The following TEX11 variants were observed in gnomAD, a reference collection of about 807,000 sequenced individuals.
TEX11 encodes the protein testis expressed 11.
Under a neutral mutation model 84.4 loss-of-function variants are expected in TEX11, and 7 were observed. That is an observed-to-expected ratio of 0.08 (90% CI 0.05 to 0.16). The LOEUF is 0.16. TEX11 is among the 10% of genes least tolerant of loss of function. The probability of loss-of-function intolerance (pLI) is 1.00; values close to 1 mark genes in which losing one functional copy is unlikely to be tolerated. For synonymous variants in TEX11, 264 were observed against 222.8 expected (o/e 1.18, Z -1.64); for missense variants, 551 against 660.5 (o/e 0.83, Z 1.82).
chrX:70,905,423 G>A, intron 2 of TEX11, among the ~76,000 whole-genome samples: 1 of 111,380 alleles, frequency 9.0e-6, no homozygotes, highest in South Asian at 3.8e-4. Context: ...TTTTTTTAAT[G>A]AGAAAAATAG....
At chrX:70,573,973 G>A (rs1224343189) in intron 25 of TEX11, among the ~76,000 whole-genome samples, 1 of 111,773 alleles carries the variant, frequency 8.9e-6, no homozygotes, top group African/African-American at 3.2e-5. Context: ...TTTCGATGAT[G>A]ACACTTGATG....
At chrX:70,560,869 C>T (rs995191136) in intron 25 of TEX11, among the ~76,000 whole-genome samples, 1 of 100,917 alleles carries the variant, frequency 9.9e-6, no homozygotes, top group Non-Finnish European at 2.0e-5. Flanking sequence ...ACCACTGTGA[C>T]CACAGGTGCA....
chrX:70,568,721 T>A (rs1195892648), intron 25 of TEX11, among the ~76,000 whole-genome samples: 1 of 111,788 alleles, frequency 8.9e-6, no homozygotes, highest in African/African-American at 3.3e-5. Flanking sequence ...TTTAAGAATG[T>A]TGAATATTGG....
At chrX:70,748,654 C>A (rs1224157282) in intron 9 of TEX11, among the ~76,000 whole-genome samples, 2 of 104,149 alleles carry the variant, frequency 1.9e-5, no homozygotes, top group African/African-American at 3.5e-5. Context: ...GCCAGTTTTC[C>A]CAGCACCATT....
intron 8 of TEX11, among the ~76,000 whole-genome samples, chrX:70,814,261 C>A (rs986837821): frequency 1.8e-5 from 2 of 111,645 alleles, no homozygotes; most frequent in Non-Finnish European, 3.8e-5. Context: ...GAGATACAGA[C>A]CAATGGAACA....
At chrX:70,796,641 C>G (rs1220234724) in intron 9 of TEX11, among the ~76,000 whole-genome samples, 1 of 112,067 alleles carries the variant, frequency 8.9e-6, no homozygotes, top group Non-Finnish European at 1.9e-5. Flanking sequence ...AACTGCTGCA[C>G]AGCAAAAGAA....
rs935932659 is a variant in TEX11, at chrX:70,881,264, T to C, written c.38-1155A>G. On this transcript the variant is annotated intron_variant, in intron 2 of 29. Transcript: ENST00000374333. ...ATTGCTTGAGCCTGGGAGGTTGAGG[T>C]TGTACTTAGCTCAGATCATGCCACT... Among the ~76,000 whole-genome samples the C allele has an allele frequency of 2.0e-4, 21 of 107,079 alleles. 1 individual carries two copies. Among genetic ancestry groups the C allele is most frequent in the African/African-American group, 6.2e-4 (18 of 29,164 alleles). The allele number at this position is 107,079 out of a possible 115,157, so 93.0% of individuals were successfully genotyped here. A position where few individuals can be genotyped will look rare whatever the true frequency, so the allele number is the denominator to read the frequency against.
At chrX:70,661,789 A>C (rs2147623778) in intron 16 of TEX11, among the ~76,000 whole-genome samples, 1 of 112,215 alleles carries the variant, frequency 8.9e-6, no homozygotes, top group South Asian at 3.7e-4. Context: ...AAACTCCAGC[A>C]GACCTGCAGC....
chrX:70,703,734 G>A (rs1047796616), intron 13 of TEX11, among the ~76,000 whole-genome samples: 1 of 111,381 alleles, frequency 9.0e-6, no homozygotes, highest in Non-Finnish European at 1.9e-5. Context: ...TTTATCTCTC[G>A]CATTTCTCCT....
At chrX:70,753,644 G>A (rs2090845899) in intron 9 of TEX11, among the ~76,000 whole-genome samples, 1 of 110,625 alleles carries the variant, frequency 9.0e-6, no homozygotes, top group African/African-American at 3.3e-5. Context: ...CTGGCTTCAG[G>A]TGAGACTCAG....
chrX:70,604,813 CAGCTAAA>C (rs1208719455), intron 24 of TEX11, among the ~76,000 whole-genome samples: 1 of 111,239 alleles, frequency 9.0e-6, no homozygotes, highest in Non-Finnish European at 1.9e-5. Flanking sequence ...GAAAGGTAAA[CAGCTAAA>C]AGCAAACCAA....
intron 8 of TEX11, among the ~76,000 whole-genome samples, chrX:70,821,590 C>T (rs1006098406): frequency 5.3e-5 from 6 of 112,181 alleles, no homozygotes; most frequent in East Asian, 2.8e-4. Context: ...GCTTCCTGTA[C>T]AGCCTGTAGA....
intron 28 of TEX11, among the ~76,000 whole-genome samples, chrX:70,537,209 C>G (rs181891143): frequency 1.8e-5 from 2 of 111,615 alleles, no homozygotes; most frequent in East Asian, 5.6e-4. Flanking sequence ...ATGAGATCAT[C>G]TAATGGGGAA....
chrX:70,736,773 G>T (rs1011896062), intron 11 of TEX11, among the ~76,000 whole-genome samples: 1 of 111,558 alleles, frequency 9.0e-6, no homozygotes, highest in African/African-American at 3.3e-5. Context: ...GGTTGAATAG[G>T]ATTCTAAAAA....
chrX:70,612,264 A>G (rs766733148), intron 20 of TEX11, among the ~76,000 whole-genome samples: 2 of 111,719 alleles, frequency 1.8e-5, no homozygotes, highest in Non-Finnish European at 3.8e-5. Flanking sequence ...CTTTTAAGAA[A>G]AAATTAGAAG....
chrX:70,671,761 T>G (rs894653431), intron 15 of TEX11, among the ~76,000 whole-genome samples: 1 of 107,852 alleles, frequency 9.3e-6, no homozygotes, highest in Admixed American at 1.0e-4. Flanking sequence ...TTTTGTTCCC[T>G]TTTTTCTCTT....
chrX:70,712,200 G>A (rs2090442940), intron 13 of TEX11, among the ~76,000 whole-genome samples: 1 of 111,568 alleles, frequency 9.0e-6, no homozygotes, highest in Admixed American at 9.5e-5. Flanking sequence ...TAGCCTTGTA[G>A]TATAGTTTGA....
intron 2 of TEX11, among the ~76,000 whole-genome samples, chrX:70,882,224 T>C (rs1001701104): frequency 9.0e-6 from 1 of 110,898 alleles, no homozygotes; most frequent in African/African-American, 3.3e-5. Flanking sequence ...GATTTTAAAA[T>C]TGATGTTTTT....
chrX:70,835,926 A>G (rs1044783199), intron 7 of TEX11, among the ~76,000 whole-genome samples: 1 of 110,502 alleles, frequency 9.0e-6, no homozygotes, highest in African/African-American at 3.3e-5. Context: ...AGCCTGTCCA[A>G]CATGGCAAAA....
Sources: gnomAD v4.1 joint callset for allele counts (sites outside exome capture counted in the v4.1 genomes callset) on GRCh38, gnomAD v4.1.1 for gene constraint, MANE v1.5 for transcripts, NCBI Gene and HGNC (gene_info 2026-07-23, HGNC 2026-07-21) for gene names.